The following ALK variants were observed in gnomAD, a reference collection of about 807,000 sequenced individuals.
ALK encodes ALK receptor tyrosine kinase.
ALK carries 74 observed loss-of-function variants against 163.1 expected under a neutral mutation model. The ratio of observed to expected loss-of-function variants is 0.45; its 90% CI spans 0.38 to 0.55. The LOEUF (loss-of-function observed/expected upper bound fraction) is 0.55. Ranked by LOEUF, ALK falls within the 20% of genes least tolerant of loss-of-function variation. ALK has a pLI of 0.00. For synonymous variants in ALK, 960 were observed against 843.2 expected, an observed-to-expected ratio of 1.14 and a Z score of -2.40; for missense variants, 2,063 against 2,105.3, an observed-to-expected ratio of 0.98 and a Z score of 0.39.
At chr2:29,859,035 AAAAC>A (rs70962243) in intron 1 of ALK, among the ~76,000 whole-genome samples, 4 of 150,678 alleles carry the variant, frequency 2.7e-5, no homozygotes, top group East Asian at 2.0e-4. Context: ...TCTGTCTCAA[AAAAC>A]AAACAAACAA....
intron 9 of ALK, among the ~76,000 whole-genome samples, chr2:29,276,807 A>T (rs1665559221): frequency 6.6e-6 from 1 of 152,196 alleles, no homozygotes; most frequent in Non-Finnish European, 1.5e-5. Context: ...CAGAAAGCAG[A>T]TTAGTGGTTG....
chr2:29,235,497 A>C (rs753750512), intron 13 of ALK, among the ~76,000 whole-genome samples: 1 of 152,018 alleles, frequency 6.6e-6, no homozygotes, highest in East Asian at 1.9e-4. Context: ...CTGAATTGCT[A>C]TTGTAGAGAG....
At chr2:29,739,309 C>T (rs1679983981) in intron 1 of ALK, among the ~76,000 whole-genome samples, 1 of 147,232 alleles carries the variant, frequency 6.8e-6, no homozygotes, top group Non-Finnish European at 1.5e-5. Flanking sequence ...CCTGTAATCC[C>T]AGCACGCTGG....
At chr2:29,608,963 C>T (rs1370949242) in intron 3 of ALK, among the ~76,000 whole-genome samples, 2 of 152,124 alleles carry the variant, frequency 1.3e-5, no homozygotes, top group Admixed American at 6.5e-5. Flanking sequence ...CTTGCTCTGT[C>T]ATTCAGGCTG....
chr2:29,815,208 G>A (rs746889606), intron 1 of ALK, among the ~76,000 whole-genome samples: 2 of 151,466 alleles, frequency 1.3e-5, no homozygotes, highest in Admixed American at 6.6e-5. Flanking sequence ...GCTTTCTTAG[G>A]CTTTGTCTTC....
At chr2:29,823,197 GC>G (rs1465812195) in intron 1 of ALK, among the ~76,000 whole-genome samples, 3 of 152,150 alleles carry the variant, frequency 2.0e-5, no homozygotes, top group Non-Finnish European at 4.4e-5. Context: ...ATTTGCTCCT[GC>G]TTGCCTTCTG....
intron 3 of ALK, among the ~76,000 whole-genome samples, chr2:29,582,261 A>C (rs1304143050): frequency 6.6e-6 from 1 of 152,210 alleles, no homozygotes; most frequent in Non-Finnish European, 1.5e-5. Flanking sequence ...GCAGTCATAG[A>C]GGAGGAAGAT....
intron 3 of ALK, among the ~76,000 whole-genome samples, chr2:29,544,769 T>C (rs1673508738): frequency 6.6e-6 from 1 of 152,088 alleles, no homozygotes; most frequent in Non-Finnish European, 1.5e-5. Context: ...GTTACTGCAC[T>C]GGTCTCGCTA....
chr2:29,895,409 G>C (rs1667244368), intron 1 of ALK, among the ~76,000 whole-genome samples: 1 of 152,202 alleles, frequency 6.6e-6, no homozygotes, highest in South Asian at 2.1e-4. Flanking sequence ...AATGGGCAAT[G>C]AGCTGAAAGT....
At chr2:29,735,836 C>T (rs914260888) in intron 1 of ALK, among the ~76,000 whole-genome samples, 1 of 152,074 alleles carries the variant, frequency 6.6e-6, no homozygotes, top group African/African-American at 2.4e-5. Context: ...ATTTCCCGAG[C>T]CCTCCTCAGC....
At chr2:29,669,529 G>A (rs1677618805) in intron 3 of ALK, among the ~76,000 whole-genome samples, 1 of 151,926 alleles carries the variant, frequency 6.6e-6, no homozygotes, top group Admixed American at 6.6e-5. Context: ...GCATATAGCT[G>A]AATTTTATTT....
At chr2:29,884,276 C>T (rs925815666) in intron 1 of ALK, among the ~76,000 whole-genome samples, 4 of 152,174 alleles carry the variant, frequency 2.6e-5, no homozygotes, top group Non-Finnish European at 5.9e-5. Context: ...TAGTGCAATA[C>T]TGTAAACCTT....
chr2:29,303,798 C>G (rs920286200), intron 8 of ALK, among the ~76,000 whole-genome samples: 1 of 152,084 alleles, frequency 6.6e-6, no homozygotes, highest in African/African-American at 2.4e-5. Context: ...AATCAAATAC[C>G]GTATGTGCTC....
intron 8 of ALK, among the ~76,000 whole-genome samples, chr2:29,299,443 A>C (rs1055400644): frequency 2.0e-5 from 3 of 152,234 alleles, no homozygotes; most frequent in African/African-American, 7.2e-5. Context: ...GAATGGTCTA[A>C]GACCTCTAGA....
At chr2:29,705,137 G>A (rs927716913) in intron 2 of ALK, among the ~76,000 whole-genome samples, 56 of 149,942 alleles carry the variant, frequency 3.7e-4, no homozygotes, top group African/African-American at 1.2e-3. Context: ...AGAATCGCTT[G>A]AACTCGGGAG....
chr2:29,393,032 T>C (rs1378302597), intron 4 of ALK, among the ~76,000 whole-genome samples: 3 of 152,202 alleles, frequency 2.0e-5, no homozygotes, highest in Admixed American at 6.5e-5. Context: ...TCACTGAATG[T>C]TCAAGGTCAC....
At chr2:29,505,394 G>C (rs1672291994) in intron 4 of ALK, among the ~76,000 whole-genome samples, 1 of 152,158 alleles carries the variant, frequency 6.6e-6, no homozygotes, top group Non-Finnish European at 1.5e-5. Context: ...TGAGCTTCCT[G>C]TTACAAGAGA....
intron 1 of ALK, among the ~76,000 whole-genome samples, chr2:29,774,614 C>T (rs1204965867): frequency 6.6e-6 from 1 of 152,198 alleles, no homozygotes; most frequent in East Asian, 1.9e-4. Flanking sequence ...GGGACTCACT[C>T]AGTTGTTTTG....
chr2:29,707,357 C>A (rs560021968), intron 2 of ALK, among the ~76,000 whole-genome samples: 7 of 152,110 alleles, frequency 4.6e-5, no homozygotes, highest in Non-Finnish European at 8.8e-5. Context: ...CGAGCACAGA[C>A]CTTCTACCCT....
Sources: allele counts gnomAD v4.1 joint callset (sites outside exome capture counted in the v4.1 genomes callset), GRCh38; gene constraint gnomAD v4.1.1; transcripts MANE v1.5; gene names NCBI Gene and HGNC (gene_info 2026-07-23, HGNC 2026-07-21).